The following NUP98 variants were observed in gnomAD, a reference collection of about 807,000 sequenced individuals.
NUP98 encodes nucleoporin 98 and 96 precursor.
Under a neutral mutation model 191.9 loss-of-function variants are expected in NUP98, and 26 were observed. That is an observed-to-expected ratio of 0.14 (90% CI 0.10 to 0.19). NUP98 has a LOEUF of 0.19. Among genes scored for constraint, NUP98 ranks in the 10% least tolerant of loss-of-function variants. NUP98 has a pLI of 1.00. For missense variants in NUP98, 1,941 were observed against 2,178.8 expected (o/e 0.89, Z 2.17); for synonymous variants, 808 against 778.4 (o/e 1.04, Z -0.63).
rs117660361 is a variant in NUP98 at position 3,787,214 on chromosome 11, T to C, written c.-28-5069A>G. Among the ~76,000 whole-genome samples the C allele has an allele frequency of 2.7e-3, 408 of 152,330 alleles. No individual in the cohort carries two copies. In the Middle Eastern group the frequency reaches 0.034, roughly 13 times the overall value. On this transcript the variant is annotated intron_variant, in intron 1 of 32. Coordinates refer to ENST00000324932, the MANE Select transcript of NUP98 (RefSeq NM_016320.5). ...AATAACATATCCCAACAAAACTATC[T>C]GGAACCTTCTGTTTTACAGTATCCT...
intron 32 of NUP98, 38 bp from the exon 33 acceptor site, chr11:3,676,414 G>A: frequency 6.2e-7 from 1 of 1,609,702 alleles, no homozygotes; most frequent in Admixed American, 1.7e-5. Flanking sequence ...TGAGCATGGG[G>A]TCTGGAGAAG....
intron 10 of NUP98, among the ~76,000 whole-genome samples, chr11:3,753,635 G>A (rs2134446253): frequency 6.6e-6 from 1 of 151,822 alleles, no homozygotes; most frequent in Non-Finnish European, 1.5e-5. Flanking sequence ...CAAAGGCCAT[G>A]CGCGGTGGCT....
chr11:3,781,185 CAAA>C (rs34704470), intron 2 of NUP98, among the ~76,000 whole-genome samples: 11 of 69,024 alleles, frequency 1.6e-4, no homozygotes, highest in Non-Finnish European at 2.2e-4. Context: ...GATCCTATCT[CAAA>C]AAAAAAAAAA....
intron 12 of NUP98, among the ~76,000 whole-genome samples, chr11:3,736,702 T>C (rs2080076566): frequency 6.6e-6 from 1 of 152,186 alleles, no homozygotes; most frequent in Non-Finnish European, 1.5e-5. Flanking sequence ...AATAATAATT[T>C]GTTTCATTGT....
At position 3,700,761 on chromosome 11, in the gene NUP98, T is replaced by A; in HGVS notation, c.3591A>T (p.Leu1197Phe). ...RQRKPDEDMK[L>F]YQTPLELKLK... ...ATTTGAGCTCCAGAGGTGTCTGATA[T>A]AATTTCATGTCTTCATCTGGCTTTC... Residue 1197 changes from leucine (L) to phenylalanine (F), a missense_variant, in exon 24 of 33, where the codon TTA becomes TTT. Physicochemically the swap from Leu to Phe is conservative, Grantham distance 22. This residue lies in a region of NUP98 where 1,030 missense variants were observed against 1,115.8 expected (regional missense o/e 0.92). Transcript: ENST00000324932. 1.2e-6 allele frequency: 2 copies of A among 1,614,198 alleles called. No homozygotes were observed. Among genetic ancestry groups the A allele is most frequent in the Non-Finnish European group, 8.5e-7 (1 of 1,180,022 alleles).
Position 3,744,564 on chromosome 11 carries a change from A to G in NUP98, c.1353T>C (p.Pro451=). Residue 451 remains proline (P), a synonymous_variant, in exon 12 of 33, where the codon CCT becomes CCC. Coordinates refer to ENST00000324932, the MANE Select transcript of NUP98 (RefSeq NM_016320.5). ...AAGTGGCTGTCGTAGTATTAAATCC[A>G]GGGGCCCCAAAGGCTCCTGTACCAA... ...GPLGTGAFGA[P]GFNTTTATLG... is the part of the protein sequence containing the mutation. The G allele has an allele frequency of 1.2e-6, 2 of 1,613,788 alleles. No individual in the cohort carries two copies. The highest frequency in any genetic ancestry group is 1.7e-6 in the Non-Finnish European group (2 of 1,179,824).
intron 30 of NUP98, among the ~76,000 whole-genome samples, chr11:3,680,396 T>C (rs1318298641): frequency 3.9e-5 from 6 of 152,188 alleles, no homozygotes; most frequent in Non-Finnish European, 5.9e-5. Context: ...TAATTCTAGT[T>C]ATCTTGCTGT....
intron 10 of NUP98, among the ~76,000 whole-genome samples, chr11:3,754,304 TAA>T (rs2080879664): frequency 6.6e-6 from 1 of 152,174 alleles, no homozygotes; most frequent in African/African-American, 2.4e-5. Context: ...CGCATGCCTA[TAA>T]ACCCAGCTAC....
At chr11:3,793,083 C>T (rs546052051) in intron 1 of NUP98, among the ~76,000 whole-genome samples, 191 of 152,216 alleles carry the variant, frequency 1.3e-3, no homozygotes, top group Admixed American at 2.6e-3. Context: ...TGCACTCCGA[C>T]TTGGGCGACA....
intron 10 of NUP98, among the ~76,000 whole-genome samples, chr11:3,758,907 C>G (rs1345122560): frequency 6.6e-6 from 1 of 152,194 alleles, no homozygotes; most frequent in African/African-American, 2.4e-5. Context: ...ATAATCATTT[C>G]TGGCAGTGAA....
In NUP98 at chr11:3,712,627, A is replaced by C; in HGVS notation, c.2679T>G (p.Pro893=). 1 of 1,613,996 alleles carries C rather than the reference A, an allele frequency of 6.2e-7. No homozygotes were observed. Among genetic ancestry groups the C allele is most frequent in the South Asian group, 1.1e-5 (1 of 91,078 alleles). Residue 893 remains proline (P), a synonymous_variant, in exon 20 of 33, where the codon CCT becomes CCG. Coordinates refer to ENST00000324932, the MANE Select transcript of NUP98 (RefSeq NM_016320.5). ...STKKLKTAPL[P]PASQTTPLQM... is the part of the protein sequence containing the mutation. ...GCAAGGGCGTAGTCTGGCTTGCAGG[A>C]GGCAAAGGAGCAGTCTTCAACTTCT...
At chr11:3,703,721 A>G (rs11029186) in intron 22 of NUP98, among the ~76,000 whole-genome samples, 7,612 of 152,212 alleles carry the variant, frequency 0.05, 393 homozygotes, top group East Asian at 0.25. Flanking sequence ...TCAAAACTCA[A>G]ATTCCTACTC....
intron 24 of NUP98, among the ~76,000 whole-genome samples, chr11:3,699,663 C>A (rs918502211): frequency 1.8e-4 from 28 of 152,286 alleles, no homozygotes; most frequent in African/African-American, 6.7e-4. Context: ...TGATCAAATT[C>A]TGTCTATAAA....
chr11:3,677,431 G>T lies in NUP98; in HGVS notation c.5074-811C>A, dbSNP rs61879761. On this transcript the variant is annotated intron_variant, in intron 31 of 32. Transcript: ENST00000324932. ...ATAGGTTTTTTTTTTTTTTTTTTGG[G>T]AGAAGGGGGGTCTCGTTATGTTGCT... Among the ~76,000 whole-genome samples the T allele has an allele frequency of 2.6e-4, 33 of 125,078 alleles. No homozygotes were observed. The South Asian group carries it at 7.9e-3, about 30-fold the overall frequency. The allele number at this position is 125,078 out of a possible 152,430, so 82.1% of individuals were successfully genotyped here.
intron 14 of NUP98, among the ~76,000 whole-genome samples, chr11:3,729,871 C>G (rs1454625393): frequency 4.6e-5 from 7 of 152,144 alleles, no homozygotes; most frequent in African/African-American, 1.4e-4. Context: ...CCTGGTGAAG[C>G]TGATCTCGAG....
In NUP98 at chr11:3,724,414, T is replaced by A. The variant is rs548130309; in HGVS notation, c.1847+689A>T. Among the ~76,000 whole-genome samples the A allele has an allele frequency of 7.1e-5, 10 of 139,986 alleles. No homozygotes were observed. In the East Asian group the frequency reaches 1.9e-3, roughly 26 times the overall value. The allele number at this position is 139,986 out of a possible 152,430, so 91.8% of individuals were successfully genotyped here. ...TCGTGCCACTGCACTCCAGCCTGGG[T>A]AATAAGAGCAAAACTCCATCTCAAA... On this transcript the variant is annotated intron_variant, in intron 15 of 32. Coordinates refer to ENST00000324932, the MANE Select transcript of NUP98 (RefSeq NM_016320.5).
chr11:3,698,785 G>T (rs2078590995), intron 25 of NUP98, among the ~76,000 whole-genome samples: 1 of 149,244 alleles, frequency 6.7e-6, no homozygotes. Flanking sequence ...ATAGGTGGGT[G>T]TGATCTACCC....
rs1235698589 is a variant in NUP98, at chr11:3,702,598, A to G, written c.3377T>C (p.Phe1126Ser). 1 of 1,614,050 alleles carries G rather than the reference A, an allele frequency of 6.2e-7. No individual in the cohort carries two copies. Among genetic ancestry groups the G allele is most frequent in the Non-Finnish European group, 8.5e-7 (1 of 1,180,006 alleles). ...CCAGTTGGGGCCCCAACCAACACGA[A>G]ATGAGCGTCCCATGAATAGGGCCAT... ...MDMALFMGRS[F>S]RVGWGPNWTL... The change falls in exon 23 of 33, where the codon TTT becomes TCT. Residue 1126 changes from phenylalanine to serine, a missense_variant. Around this residue, in one of 6 missense-constraint regions of NUP98, gnomAD observed 1,030 missense variants for 1,115.8 expected, o/e 0.92. Coordinates refer to ENST00000324932, the MANE Select transcript of NUP98 (RefSeq NM_016320.5).
chr11:3,730,150 G>A (rs568790953), intron 14 of NUP98, among the ~76,000 whole-genome samples: 1 of 151,686 alleles, frequency 6.6e-6, no homozygotes, highest in Admixed American at 6.6e-5. Flanking sequence ...AAGAAGAATC[G>A]CTTGAACCTA....
Sources: gnomAD v4.1 joint callset for allele counts (sites outside exome capture counted in the v4.1 genomes callset) on GRCh38, gnomAD v4.1.1 for gene constraint, gnomAD v4.1.1 regional missense constraint, MANE v1.5 for transcripts, NCBI Gene and HGNC (gene_info 2026-07-23, HGNC 2026-07-21) for gene names.